Variants in FBXL7 observed in about 807,000 individuals in gnomAD.
FBXL7 encodes the protein F-box and leucine rich repeat protein 7.
Under a neutral mutation model 38.3 loss-of-function variants are expected in FBXL7, and 12 were observed. The observed-to-expected ratio is 0.31, with a 90% CI of 0.20 to 0.51. FBXL7 has a LOEUF of 0.51. Ranked by LOEUF, FBXL7 falls within the 20% of genes least tolerant of loss-of-function variation. FBXL7 has a pLI of 0.98. For synonymous variants in FBXL7, 297 were observed against 300.9 expected (o/e 0.99, Z 0.13); for missense variants, 567 against 676.4 (o/e 0.84, Z 1.79).
At chr5:15,688,038 C>T (rs1743070318) in intron 2 of FBXL7, among the ~76,000 whole-genome samples, 1 of 152,268 alleles carries the variant, frequency 6.6e-6, no homozygotes, top group Non-Finnish European at 1.5e-5. Context: ...ACTAGACTAG[C>T]GATTGCATCT....
intron 2 of FBXL7, among the ~76,000 whole-genome samples, chr5:15,790,075 A>G (rs181953): frequency 0.56 from 84,531 of 151,972 alleles, 24,359 homozygotes; most frequent in East Asian, 0.66. Context: ...CTAAATTATA[A>G]TTCTCCCCAA....
chr5:15,623,365 C>T (rs559014371), intron 2 of FBXL7, among the ~76,000 whole-genome samples: 25 of 152,242 alleles, frequency 1.6e-4, no homozygotes, highest in African/African-American at 4.1e-4. Flanking sequence ...CAGTTAATAC[C>T]GCTTTGCGAT....
chr5:15,736,659 T>C (rs923221688), intron 2 of FBXL7, among the ~76,000 whole-genome samples: 1 of 152,216 alleles, frequency 6.6e-6, no homozygotes, highest in African/African-American at 2.4e-5. Flanking sequence ...AAATTTATAC[T>C]CTAGGAAAAC....
chr5:15,558,043 T>C (rs1361244119), intron 1 of FBXL7, among the ~76,000 whole-genome samples: 1 of 152,126 alleles, frequency 6.6e-6, no homozygotes, highest in Non-Finnish European at 1.5e-5. Flanking sequence ...GAGCTTCTGT[T>C]TGGGGTGACG....
At chr5:15,648,372 A>C (rs1194873430) in intron 2 of FBXL7, among the ~76,000 whole-genome samples, 3 of 152,210 alleles carry the variant, frequency 2.0e-5, no homozygotes, top group Admixed American at 1.3e-4. Context: ...TGTGTATGAA[A>C]ACTTCTGAGA....
At chr5:15,518,178 A>G (rs1177579532) in intron 1 of FBXL7, among the ~76,000 whole-genome samples, 4 of 151,910 alleles carry the variant, frequency 2.6e-5, no homozygotes, top group Admixed American at 2.0e-4. Context: ...TTTAGTAGAG[A>G]CAGGGTTTCA....
intron 2 of FBXL7, among the ~76,000 whole-genome samples, chr5:15,803,481 T>C (rs1212414513): frequency 1.3e-5 from 2 of 152,202 alleles, no homozygotes; most frequent in African/African-American, 4.8e-5. Flanking sequence ...TGAAATTACA[T>C]ATTATGCCAA....
chr5:15,701,016 A>C (rs1743505473), intron 2 of FBXL7, among the ~76,000 whole-genome samples: 1 of 152,206 alleles, frequency 6.6e-6, no homozygotes, highest in African/African-American at 2.4e-5. Context: ...CAAATCCTTT[A>C]ATCAGTTCCT....
chr5:15,603,033 A>G (rs911339708), intron 1 of FBXL7, among the ~76,000 whole-genome samples: 1 of 151,950 alleles, frequency 6.6e-6, no homozygotes, highest in Non-Finnish European at 1.5e-5. Context: ...TCAAGACATG[A>G]TCTCGCTATA....
intron 1 of FBXL7, among the ~76,000 whole-genome samples, chr5:15,596,083 G>A (rs1337054465): frequency 6.6e-6 from 1 of 152,138 alleles, no homozygotes; most frequent in Non-Finnish European, 1.5e-5. Flanking sequence ...GATATTAAGG[G>A]GTTTGTTCAA....
intron 2 of FBXL7, among the ~76,000 whole-genome samples, chr5:15,913,952 G>C (rs1161098528): frequency 6.6e-6 from 1 of 152,126 alleles, no homozygotes; most frequent in African/African-American, 2.4e-5. Context: ...AGGGCAGGGG[G>C]ACAGGAATAC....
intron 2 of FBXL7, among the ~76,000 whole-genome samples, chr5:15,728,248 T>A (rs1209435006): frequency 6.6e-6 from 1 of 152,288 alleles, no homozygotes; most frequent in Non-Finnish European, 1.5e-5. Flanking sequence ...GTTTTTTTCC[T>A]CTGAATGGGC....
intron 1 of FBXL7, among the ~76,000 whole-genome samples, chr5:15,504,694 T>TTTA (rs1393555146): frequency 2.0e-5 from 3 of 152,192 alleles, no homozygotes; most frequent in African/African-American, 7.2e-5. Context: ...TGTGTGTATA[T>TTTA]CTCTTTCATA....
At chr5:15,814,639 A>C (rs1737962596) in intron 2 of FBXL7, among the ~76,000 whole-genome samples, 1 of 152,088 alleles carries the variant, frequency 6.6e-6, no homozygotes, top group Non-Finnish European at 1.5e-5. Flanking sequence ...TTGTAAAAAA[A>C]TTTTTTTTAA....
At chr5:15,546,494 G>A (rs1374880404) in intron 1 of FBXL7, among the ~76,000 whole-genome samples, 2 of 151,834 alleles carry the variant, frequency 1.3e-5, no homozygotes, top group Admixed American at 1.3e-4. Context: ...TTGAATCCGG[G>A]ATGCAGAGGT....
intron 2 of FBXL7, among the ~76,000 whole-genome samples, chr5:15,838,506 G>A (rs1223151634): frequency 6.6e-6 from 1 of 152,156 alleles, no homozygotes; most frequent in East Asian, 1.9e-4. Flanking sequence ...AAGAATTTTT[G>A]TGGTAACACA....
Position 15,884,467 on chromosome 5 carries a change from C to T in FBXL7, c.128-43423C>T, listed in dbSNP as rs570748167. Among the ~76,000 whole-genome samples the T allele has an allele frequency of 1.3e-4, 19 of 151,930 alleles. 1 individual carries two copies. In the South Asian group the frequency reaches 4.0e-3, roughly 32 times the overall value. On this transcript the variant is annotated intron_variant, in intron 2 of 3. Coordinates refer to ENST00000504595, the MANE Select transcript of FBXL7 (RefSeq NM_012304.5). ...ATTTTTAGTAGAGATGGGGTTTCACCGTGTTAGCCAAGATGGGATCAGGGA... is the reference window on the plus strand; with the variant it reads ...ATTTTTAGTAGAGATGGGGTTTCACTGTGTTAGCCAAGATGGGATCAGGGA...
intron 2 of FBXL7, among the ~76,000 whole-genome samples, chr5:15,776,074 T>A (rs1241914241): frequency 3.3e-5 from 5 of 152,120 alleles, no homozygotes; most frequent in African/African-American, 1.2e-4. Context: ...TTCTTATTTT[T>A]AAAAATAATA....
intron 2 of FBXL7, among the ~76,000 whole-genome samples, chr5:15,916,277 T>G: frequency 6.6e-6 from 1 of 152,164 alleles, no homozygotes; most frequent in East Asian, 1.9e-4. Context: ...TAATTTCCAA[T>G]AGTCACCTGT....
Sources: gnomAD v4.1 joint callset for allele counts (sites outside exome capture counted in the v4.1 genomes callset) on GRCh38, gnomAD v4.1.1 for gene constraint, MANE v1.5 for transcripts, NCBI Gene and HGNC (gene_info 2026-07-23, HGNC 2026-07-21) for gene names.